ENOX1: variants seen among roughly 807,000 people sequenced by gnomAD.
ENOX1 encodes ecto-NOX disulfide-thiol exchanger 1.
ENOX1 carries 42 observed loss-of-function variants against 82.5 expected under a neutral mutation model. The ratio of observed to expected loss-of-function variants is 0.51; its 90% CI spans 0.40 to 0.66. The LOEUF (loss-of-function observed/expected upper bound fraction) is 0.66. Among genes scored for constraint, ENOX1 ranks in the 30% least tolerant of loss-of-function variants. The probability of loss-of-function intolerance (pLI) is 0.00; values close to 1 mark genes in which losing one functional copy is unlikely to be tolerated. For missense variants in ENOX1, 608 were observed against 811.6 expected (o/e 0.75, Z 3.05); for synonymous variants, 271 against 282.2 (o/e 0.96, Z 0.40).
intron 2 of ENOX1, among the ~76,000 whole-genome samples, chr13:43,657,715 A>C (rs1162063610): frequency 6.6e-6 from 1 of 152,246 alleles, no homozygotes; most frequent in Non-Finnish European, 1.5e-5. Context: ...GGACAGCCCC[A>C]AAAATTCTGT....
intron 5 of ENOX1, among the ~76,000 whole-genome samples, chr13:43,369,148 A>C (rs1350113190): frequency 6.6e-6 from 1 of 152,188 alleles, no homozygotes; most frequent in Admixed American, 6.5e-5. Flanking sequence ...TCCTGTAACA[A>C]GTCTGATTCT....
Position 43,640,698 on chromosome 13 carries a change from C to T in ENOX1, c.-219+26781G>A, listed in dbSNP as rs928771896. 3.9e-5 allele frequency among the ~76,000 whole-genome samples: 6 copies of T among 152,146 alleles called. No individual in the cohort carries two copies. In the South Asian group the frequency reaches 1.0e-3, roughly 26 times the overall value. ...CCCACCTACACAAAGAGTACCTACC[C>T]AGCATCACCTGTCTATCTCTGAATA... On this transcript the variant is annotated intron_variant, in intron 2 of 16. Coordinates refer to ENST00000690772, the MANE Select transcript of ENOX1 (RefSeq NM_001347969.2).
At chr13:43,354,646 T>C (rs188116239) in intron 8 of ENOX1, among the ~76,000 whole-genome samples, 44 of 152,286 alleles carry the variant, frequency 2.9e-4, no homozygotes, top group Non-Finnish European at 5.4e-4. Flanking sequence ...CCTCTTCTCA[T>C]CAGAAATCTG....
intron 14 of ENOX1, among the ~76,000 whole-genome samples, chr13:43,265,082 C>T (rs576546551): frequency 1.5e-4 from 23 of 152,276 alleles, no homozygotes; most frequent in Non-Finnish European, 2.4e-4. Context: ...ATTACCCTGT[C>T]GGGTCTCTTG....
intron 12 of ENOX1, among the ~76,000 whole-genome samples, chr13:43,292,216 C>T (rs751671077): frequency 3.9e-5 from 6 of 152,036 alleles, no homozygotes; most frequent in African/African-American, 1.5e-4. Context: ...AGATACTGCA[C>T]CCATAAAATA....
intron 2 of ENOX1, among the ~76,000 whole-genome samples, chr13:43,564,197 G>A (rs1484567717): frequency 4.6e-5 from 7 of 151,936 alleles, no homozygotes; most frequent in African/African-American, 7.3e-5. Flanking sequence ...AAATTGAAGA[G>A]GTCTCAAAAA....
chr13:43,698,342 G>C (rs777036457), intron 1 of ENOX1, among the ~76,000 whole-genome samples: 6 of 151,994 alleles, frequency 3.9e-5, no homozygotes, highest in Admixed American at 6.6e-5. Context: ...TGACCTGGAA[G>C]CTACAGTAAA....
chr13:43,409,865 T>C (rs911968519), intron 5 of ENOX1, among the ~76,000 whole-genome samples: 2 of 152,142 alleles, frequency 1.3e-5, no homozygotes, highest in African/African-American at 4.8e-5. Flanking sequence ...ACCCTGAGAT[T>C]GTATCAAGGA....
At chr13:43,778,901 C>G (rs1463582699) in intron 1 of ENOX1, among the ~76,000 whole-genome samples, 1 of 152,146 alleles carries the variant, frequency 6.6e-6, no homozygotes, top group Non-Finnish European at 1.5e-5. Context: ...GGTAAGTGAC[C>G]ACATGGCACA....
intron 9 of ENOX1, among the ~76,000 whole-genome samples, chr13:43,338,687 T>TG (rs1566547964): frequency 7.4e-6 from 1 of 135,422 alleles, no homozygotes; most frequent in East Asian, 2.1e-4. Flanking sequence ...TTTTTTTTTT[T>TG]TTTTTTTTTT....
At chr13:43,612,846 T>C (rs777067745) in intron 2 of ENOX1, among the ~76,000 whole-genome samples, 5 of 105,882 alleles carry the variant, frequency 4.7e-5, no homozygotes, top group Non-Finnish European at 9.8e-5. Context: ...ACTACCTTTC[T>C]TACTTTTCTT....
At chr13:43,561,962 C>T (rs895880261) in intron 2 of ENOX1, among the ~76,000 whole-genome samples, 1 of 127,288 alleles carries the variant, frequency 7.9e-6, no homozygotes, top group African/African-American at 2.9e-5. Context: ...GAATGAGACC[C>T]TGTCAAAAAA....
chr13:43,339,606 C>T (rs2048939153), intron 9 of ENOX1, among the ~76,000 whole-genome samples: 1 of 152,182 alleles, frequency 6.6e-6, no homozygotes, highest in East Asian at 1.9e-4. Context: ...ACAACAATTT[C>T]CCAACATGCT....
intron 1 of ENOX1, among the ~76,000 whole-genome samples, chr13:43,717,155 C>T (rs1381274513): frequency 6.6e-6 from 1 of 152,174 alleles, no homozygotes; most frequent in East Asian, 1.9e-4. Context: ...TTTAAGGCTA[C>T]AGTTACCCAA....
chr13:43,731,522 T>G (rs571918396), intron 1 of ENOX1, among the ~76,000 whole-genome samples: 163 of 28,486 alleles, frequency 5.7e-3, no homozygotes, highest in African/African-American at 0.01. Flanking sequence ...CCCAGTCCTG[T>G]TTTTGTTTTT....
intron 1 of ENOX1, among the ~76,000 whole-genome samples, chr13:43,679,742 A>G (rs1237917315): frequency 6.6e-6 from 1 of 152,160 alleles, no homozygotes; most frequent in Non-Finnish European, 1.5e-5. Context: ...TGGAAATATG[A>G]CCACTGGATA....
chr13:43,238,461 G>A lies in ENOX1; in HGVS notation c.1612-1723C>T, dbSNP rs74761193. 7.9e-3 allele frequency among the ~76,000 whole-genome samples: 1,198 copies of A among 152,304 alleles called. 16 individuals are homozygous for A. Among genetic ancestry groups the A allele is most frequent in the East Asian group, 0.057 (296 of 5,184 alleles). ...CCATTGGAACAGAGCAGGTCTGTGTGTACACATCATCTTTCTAGGGTAGTG... is the reference window on the plus strand; with the variant it reads ...CCATTGGAACAGAGCAGGTCTGTGTATACACATCATCTTTCTAGGGTAGTG... On this transcript the variant is annotated intron_variant, in intron 14 of 16. Coordinates refer to ENST00000690772, the MANE Select transcript of ENOX1 (RefSeq NM_001347969.2).
At chr13:43,430,179 G>T (rs1201260736) in intron 3 of ENOX1, among the ~76,000 whole-genome samples, 1 of 152,202 alleles carries the variant, frequency 6.6e-6, no homozygotes, top group Non-Finnish European at 1.5e-5. Flanking sequence ...TGCTGATGTG[G>T]ATGAAGAAGT....
chr13:43,412,558 C>T (rs1458113402), intron 4 of ENOX1, among the ~76,000 whole-genome samples: 2 of 152,178 alleles, frequency 1.3e-5, no homozygotes, highest in Non-Finnish European at 2.9e-5. Flanking sequence ...TACATTATTA[C>T]ACTAAGAAAA....
Sources: gnomAD v4.1 joint callset for allele counts (sites outside exome capture counted in the v4.1 genomes callset) on GRCh38, gnomAD v4.1.1 for gene constraint, MANE v1.5 for transcripts, NCBI Gene and HGNC (gene_info 2026-07-23, HGNC 2026-07-21) for gene names.